JAKMIP2: variants seen among roughly 807,000 people sequenced by gnomAD.
JAKMIP2 encodes the protein janus kinase and microtubule-interacting protein 2.
In JAKMIP2, 25 loss-of-function variants were observed where a neutral mutation model predicts 115.0. The ratio of observed to expected loss-of-function variants is 0.22; its 90% CI spans 0.16 to 0.30. The LOEUF is 0.30. Ranked by LOEUF, JAKMIP2 falls within the 10% of genes least tolerant of loss-of-function variation. The pLI is 1.00. For missense variants in JAKMIP2, 642 were observed against 957.6 expected (o/e 0.67, Z 4.35); for synonymous variants, 334 against 343.6 (o/e 0.97, Z 0.31).
chr5:147,673,833 A>C lies in JAKMIP2; in HGVS notation c.-148-1879T>G, dbSNP rs111581501. Among the ~76,000 whole-genome samples the C allele has an allele frequency of 3.7e-4, 56 of 151,750 alleles. 1 individual carries two copies. The highest frequency in any genetic ancestry group is 1.9e-3 in the South Asian group (9 of 4,796). ...TGAGTAAATTCACATATATATATAT[A>C]TATCTATCTAACAGGTTTCTCTCTA... On this transcript the variant is annotated intron_variant, in intron 1 of 21. Transcript: ENST00000616793.
chr5:147,679,685 T>C (rs988309857), intron 1 of JAKMIP2, among the ~76,000 whole-genome samples: 4 of 152,218 alleles, frequency 2.6e-5, no homozygotes, highest in Non-Finnish European at 5.9e-5. Flanking sequence ...TTACTTTTAT[T>C]AGTTTTTAGA....
At position 147,702,650 on chromosome 5, in the gene JAKMIP2, AAGAAAGAAAGAAAGAGAG is replaced by A. The variant is rs1561547616; in HGVS notation, c.-148-30714_-148-30697del. ...AAAGAAAGAAAGAAAGAAAGAAAGAAAGAAAGAAAGAAAGAGAGAGAAAGAAAGAGAAAGAAAGAAAAG... is the reference window on the plus strand; with the variant it reads ...AAAGAAAGAAAGAAAGAAAGAAAGAAAGAAAGAAAGAGAAAGAAAGAAAAG... On this transcript the variant is annotated intron_variant, in intron 1 of 21. Coordinates refer to ENST00000616793, the MANE Select transcript of JAKMIP2 (RefSeq NM_001270941.2). 9.0e-3 allele frequency among the ~76,000 whole-genome samples: 1,009 copies of A among 111,884 alleles called. 5 individuals are homozygous for A. The highest frequency in any genetic ancestry group is 0.011 in the Admixed American group (124 of 11,116). The allele number at this position is 111,884 out of a possible 152,430, so 73.4% of individuals were successfully genotyped here. A position where few individuals can be genotyped will look rare whatever the true frequency, so the allele number is the denominator to read the frequency against.
At chr5:147,636,367 G>T in intron 11 of JAKMIP2, 83 bp from the exon 12 acceptor site, 1 of 1,073,774 alleles carries the variant, frequency 9.3e-7, no homozygotes, top group Non-Finnish European at 1.4e-6. Context: ...TGCCAGAGCT[G>T]CCTTCTCCCC....
chr5:147,660,753 A>T lies in JAKMIP2; in HGVS notation c.627+195T>A. ...AAAATCTCTTACACTTTACAATTTCAATTTTGGCCTGAGCATATCTCTCGA... is the reference window on the plus strand; with the variant it reads ...AAAATCTCTTACACTTTACAATTTCTATTTTGGCCTGAGCATATCTCTCGA... On this transcript the variant is annotated intron_variant, in intron 3 of 21. Transcript: ENST00000616793. The T allele has an allele frequency of 6.6e-6, 4 of 604,866 alleles. No individual in the cohort carries two copies. The Admixed American group carries it at 1.2e-4, about 18-fold the overall frequency. The allele number at this position is 604,866 out of a possible 1,614,324, so 37.5% of individuals were successfully genotyped here. A position where few individuals can be genotyped will look rare whatever the true frequency, so the allele number is the denominator to read the frequency against.
intron 21 of JAKMIP2, among the ~76,000 whole-genome samples, chr5:147,601,430 A>G (rs1162141265): frequency 6.6e-6 from 1 of 152,044 alleles, no homozygotes; most frequent in African/African-American, 2.4e-5. Flanking sequence ...GTCTCTACTA[A>G]AAATAATAAT....
intron 1 of JAKMIP2, among the ~76,000 whole-genome samples, chr5:147,721,712 G>A (rs1358476417): frequency 2.0e-5 from 3 of 151,788 alleles, no homozygotes; most frequent in Non-Finnish European, 4.4e-5. Flanking sequence ...TTCGGCTCGC[G>A]CACGGTGCGC....
At chr5:147,776,884 T>G (rs928303475) in intron 1 of JAKMIP2, among the ~76,000 whole-genome samples, 1 of 152,074 alleles carries the variant, frequency 6.6e-6, no homozygotes, top group Non-Finnish European at 1.5e-5. Context: ...GCCAAGACCA[T>G]GCCACTGCAT....
chr5:147,606,147 A>G lies in JAKMIP2; in HGVS notation c.2413-4336T>C, dbSNP rs374032022. Among the ~76,000 whole-genome samples the G allele has an allele frequency of 1.8e-4, 27 of 151,918 alleles. No homozygotes were observed. The East Asian group carries it at 5.2e-3, about 29-fold the overall frequency. ...TTCTGTAGGTTATCTGTTCACTCTG[A>G]TGATAGTTTTTTTTGCTGTGCAGAT... On this transcript the variant is annotated intron_variant, in intron 20 of 21. Transcript: ENST00000616793.
rs538132772 is a variant in JAKMIP2 at position 147,623,321 on chromosome 5, C to T, written c.2064+300G>A. 1.0e-4 allele frequency among the ~76,000 whole-genome samples: 15 copies of T among 150,664 alleles called. No individual in the cohort carries two copies. The East Asian group carries it at 2.6e-3, about 26-fold the overall frequency. On this transcript the variant is annotated intron_variant, in intron 17 of 21. Coordinates refer to ENST00000616793, the MANE Select transcript of JAKMIP2 (RefSeq NM_001270941.2). ...ACACCCTCCATTTCTGTAATTTTTC[C>T]TTGCTAATTAAATAAAGTGGAAAAA...
chr5:147,607,737 T>A (rs142450729), intron 20 of JAKMIP2, among the ~76,000 whole-genome samples: 136 of 152,332 alleles, frequency 8.9e-4, no homozygotes, highest in African/African-American at 3.1e-3. Flanking sequence ...TGGAATAGTT[T>A]CAGAATGAAT....
At chr5:147,702,844 A>G (rs1212514461) in intron 1 of JAKMIP2, among the ~76,000 whole-genome samples, 1 of 152,076 alleles carries the variant, frequency 6.6e-6, no homozygotes, top group African/African-American at 2.4e-5. Flanking sequence ...GCTTATGTCA[A>G]TTTGAGTTGT....
chr5:147,593,167 C>T (rs910362584), intron 21 of JAKMIP2, among the ~76,000 whole-genome samples: 1 of 152,150 alleles, frequency 6.6e-6, no homozygotes, highest in Non-Finnish European at 1.5e-5. Context: ...GTAGTTGTCT[C>T]CTTGCTCCAC....
At chr5:147,761,442 C>CCATA (rs1410960173) in intron 1 of JAKMIP2, among the ~76,000 whole-genome samples, 1 of 152,066 alleles carries the variant, frequency 6.6e-6, no homozygotes, top group Non-Finnish European at 1.5e-5. Context: ...AAGTCCACAG[C>CCATA]CATACAGCAA....
At chr5:147,688,762 T>C (rs1760694697) in intron 1 of JAKMIP2, among the ~76,000 whole-genome samples, 2 of 152,176 alleles carry the variant, frequency 1.3e-5, no homozygotes, top group Admixed American at 1.3e-4. Context: ...TCACATGGTA[T>C]GTGTCAAATA....
intron 1 of JAKMIP2, among the ~76,000 whole-genome samples, chr5:147,703,206 T>G (rs572101079): frequency 6.6e-6 from 1 of 152,160 alleles, no homozygotes. Context: ...AATGTACTTA[T>G]ACAAACCTAT....
At chr5:147,624,496 G>A (rs1173861461) in intron 16 of JAKMIP2, among the ~76,000 whole-genome samples, 1 of 152,188 alleles carries the variant, frequency 6.6e-6, no homozygotes, top group Non-Finnish European at 1.5e-5. Context: ...TAATTTTTCA[G>A]TATATAAAAC....
chr5:147,629,879 G>C, intron 14 of JAKMIP2, 133 bp from the exon 15 acceptor site: 1 of 640,178 alleles, frequency 1.6e-6, no homozygotes, highest in Non-Finnish European at 2.7e-6. Context: ...GGCACACCTA[G>C]TTTTAAGTTT....
Position 147,586,510 on chromosome 5 carries a change from G to T in JAKMIP2, c.*5197C>A, listed in dbSNP as rs1754875717. 6.6e-6 allele frequency: 1 copy of T among 151,788 alleles called. No homozygotes were observed. The highest frequency in any genetic ancestry group is 2.1e-4 in the South Asian group (1 of 4,804). The allele number at this position is 151,788 out of a possible 1,614,324, so 9.4% of individuals were successfully genotyped here. A position where few individuals can be genotyped will look rare whatever the true frequency, so the allele number is the denominator to read the frequency against. ...GGATCTTGATTGTGGGCAAAATTGG[G>T]CTCAAAGTTGTTTAACTTTACCATT... On this transcript the variant is annotated 3_prime_UTR_variant, in exon 22 of 22. Coordinates refer to ENST00000616793, the MANE Select transcript of JAKMIP2 (RefSeq NM_001270941.2).
At chr5:147,716,654 T>A (rs71592200) in intron 1 of JAKMIP2, among the ~76,000 whole-genome samples, 26,739 of 149,396 alleles carry the variant, frequency 0.18, 2,689 homozygotes, top group Admixed American at 0.23. Flanking sequence ...TTTTGAGAAG[T>A]GTCTGTTCAT....
Sources: allele counts gnomAD v4.1 joint callset (sites outside exome capture counted in the v4.1 genomes callset), GRCh38; gene constraint gnomAD v4.1.1; transcripts MANE v1.5; gene names NCBI Gene and HGNC (gene_info 2026-07-23, HGNC 2026-07-21).